LYSET: variants seen among roughly 807,000 people sequenced by gnomAD.
LYSET encodes lysosomal enzyme trafficking factor, also known as GNPTAB cleavage and activity factor.
the LYSET span, among the ~76,000 whole-genome samples, chr14:93,187,781 T>C: frequency 6.6e-6 from 1 of 152,024 alleles, no homozygotes. Flanking sequence ...CCTGAGTAGC[T>C]GGGATTACAG....
chr14:93,186,817 A>G, the LYSET span: 7 of 815,958 alleles, frequency 8.6e-6, no homozygotes, highest in African/African-American at 1.8e-5. Context: ...AGCTATCTTT[A>G]TCTGAATAAT....
the LYSET span, chr14:93,186,153 G>C: frequency 8.8e-7 from 1 of 1,136,388 alleles, no homozygotes; most frequent in Non-Finnish European, 1.3e-6. Flanking sequence ...ACAGGCGCGA[G>C]CCACCGCGCC....
At chr14:93,186,461 A>G in the LYSET span, 2,219 of 1,614,208 alleles carry the variant, frequency 1.4e-3, 3 homozygotes, top group Non-Finnish European at 1.6e-3. Context: ...TGAAAGCTCA[A>G]TTACTCTCCT....
chr14:93,186,234 A>C, the LYSET span: 1 of 1,585,492 alleles, frequency 6.3e-7, no homozygotes, highest in Non-Finnish European at 8.6e-7. Flanking sequence ...CTAGACCCTA[A>C]TTGTATTTTC....
chr14:93,186,783 CTT>C, the LYSET span: 1 of 1,215,666 alleles, frequency 8.2e-7, no homozygotes, highest in Non-Finnish European at 1.1e-6. Context: ...GGGGCAGAGG[CTT>C]TTTAAAAACA....
the LYSET span, chr14:93,186,940 G>A: frequency 2.4e-6 from 1 of 422,446 alleles, no homozygotes. Context: ...ACTTGACTAA[G>A]TACCTGAATT....
chr14:93,186,590 C>A, the LYSET span: 1 of 1,614,204 alleles, frequency 6.2e-7, no homozygotes, highest in Non-Finnish European at 8.5e-7. Flanking sequence ...TCCCTATATG[C>A]TTGGCAGTTA....
chr14:93,186,238 T>C, the LYSET span: 1 of 1,586,656 alleles, frequency 6.3e-7, no homozygotes, highest in Non-Finnish European at 8.6e-7. Context: ...ACCCTAATTG[T>C]ATTTTCTTTT....
At chr14:93,187,349 C>T in the LYSET span, among the ~76,000 whole-genome samples, 1,571 of 152,094 alleles carry the variant, frequency 0.01, 30 homozygotes, top group African/African-American at 0.036. Context: ...GTCTCGAACT[C>T]CTGGGCTCAA....
At chr14:93,185,833 A>G in the LYSET span, among the ~76,000 whole-genome samples, 3 of 150,624 alleles carry the variant, frequency 2.0e-5, no homozygotes, top group African/African-American at 7.3e-5. Flanking sequence ...TAATTATTTT[A>G]AATCTTAAGT....
chr14:93,186,978 G>A, the LYSET span: 1 of 307,326 alleles, frequency 3.3e-6, no homozygotes, highest in Non-Finnish European at 6.3e-6. Context: ...GTGCAACATA[G>A]TGATGATTCA....
At chr14:93,188,022 G>A in the LYSET span, among the ~76,000 whole-genome samples, 6 of 149,748 alleles carry the variant, frequency 4.0e-5, no homozygotes, top group East Asian at 1.0e-3. Context: ...GCAGAAGTGC[G>A]ATCTCAGCTC....
At chr14:93,187,873 T>C in the LYSET span, among the ~76,000 whole-genome samples, 1 of 151,698 alleles carries the variant, frequency 6.6e-6, no homozygotes, top group Non-Finnish European at 1.5e-5. Flanking sequence ...GGTCTCAAAC[T>C]CCTCACCTAA....
the LYSET span, among the ~76,000 whole-genome samples, chr14:93,185,761 T>C: frequency 6.6e-6 from 1 of 152,234 alleles, no homozygotes; most frequent in African/African-American, 2.4e-5. Context: ...GTTGTTTTAC[T>C]TGATTGTAAG....
At chr14:93,186,806 G>A in the LYSET span, 1 of 937,754 alleles carries the variant, frequency 1.1e-6, no homozygotes, top group Non-Finnish European at 1.6e-6. Flanking sequence ...TGTGATTAGG[G>A]AGCTATCTTT....
At chr14:93,186,181 A>C in the LYSET span, 1 of 1,409,912 alleles carries the variant, frequency 7.1e-7, no homozygotes, top group East Asian at 2.3e-5. Context: ...GAATTCTTGG[A>C]GATAAAGCAA....
chr14:93,185,436 AGTGACT>A, the LYSET span: 1 of 1,613,598 alleles, frequency 6.2e-7, no homozygotes, highest in South Asian at 1.1e-5. Context: ...TTCAGAGCTG[AGTGACT>A]CTTTAACGCT....
At chr14:93,185,219 A>ACG in the LYSET span, 3 of 344,030 alleles carry the variant, frequency 8.7e-6, no homozygotes, top group African/African-American at 6.7e-5. Flanking sequence ...AGTGGCGGGG[A>ACG]CGCCTCCCTG....
chr14:93,187,484 A>G, the LYSET span, among the ~76,000 whole-genome samples: 1 of 152,004 alleles, frequency 6.6e-6, no homozygotes, highest in African/African-American at 2.4e-5. Context: ...GAAGGCCCTG[A>G]GAACGTACGC....
Sources: allele counts gnomAD v4.1 joint callset (sites outside exome capture counted in the v4.1 genomes callset), GRCh38; gene constraint gnomAD v4.1.1; transcripts MANE v1.5; gene names NCBI Gene and HGNC (gene_info 2026-07-23, HGNC 2026-07-21).